SPIDR: variants seen among roughly 807,000 people sequenced by gnomAD.
SPIDR encodes scaffold protein involved in DNA repair.
In SPIDR, 93 loss-of-function variants were observed where a neutral mutation model predicts 104.6. That is an observed-to-expected ratio of 0.89 (90% CI 0.75 to 1.06). The LOEUF (loss-of-function observed/expected upper bound fraction) is 1.06, where lower values mean the gene tolerates loss of function less well. Ranked by LOEUF, SPIDR falls within the 50% of genes least tolerant of loss-of-function variation. SPIDR has a pLI of 0.00. For missense variants in SPIDR, 1,154 were observed against 1,111.2 expected, an observed-to-expected ratio of 1.04 and a Z score of -0.55; for synonymous variants, 431 against 416.9, an observed-to-expected ratio of 1.03 and a Z score of -0.41.
intron 10 of SPIDR, among the ~76,000 whole-genome samples, chr8:47,603,637 A>G (rs1279526676): frequency 6.6e-6 from 1 of 151,188 alleles, no homozygotes; most frequent in African/African-American, 2.5e-5. Context: ...ACCTCAAGCA[A>G]TCCTCCTGCC....
intron 8 of SPIDR, chr8:47,511,353 G>A: frequency 9.2e-7 from 1 of 1,084,624 alleles, no homozygotes; most frequent in East Asian, 2.4e-5. Context: ...ACACCTAGGG[G>A]GCAGTGCTGC....
intron 10 of SPIDR, among the ~76,000 whole-genome samples, chr8:47,647,938 A>G (rs2070837464): frequency 6.6e-6 from 1 of 152,190 alleles, no homozygotes; most frequent in African/African-American, 2.4e-5. Context: ...GTTTCTGTGC[A>G]TCACATACAT....
intron 19 of SPIDR, 146 bp from the exon 20 acceptor site, chr8:47,735,161 C>G: frequency 2.8e-6 from 2 of 703,136 alleles, no homozygotes; most frequent in South Asian, 3.4e-5. Flanking sequence ...GTTTCTCCTT[C>G]CTACCACTGT....
At chr8:47,512,890 T>C (rs1364383159) in intron 8 of SPIDR, among the ~76,000 whole-genome samples, 14 of 152,216 alleles carry the variant, frequency 9.2e-5, no homozygotes, top group Non-Finnish European at 1.5e-5. Flanking sequence ...GCTATTTGGC[T>C]TTTTACTGAA....
At chr8:47,479,842 A>G (rs548822700) in intron 8 of SPIDR, among the ~76,000 whole-genome samples, 34 of 152,366 alleles carry the variant, frequency 2.2e-4, no homozygotes, top group Non-Finnish European at 4.6e-4. Context: ...AGAACTGAAC[A>G]GCAGCTAGGA....
chr8:47,490,165 AC>A (rs1168821652), intron 8 of SPIDR, among the ~76,000 whole-genome samples: 1 of 152,196 alleles, frequency 6.6e-6, no homozygotes, highest in African/African-American at 2.4e-5. Context: ...GGAAAAAACA[AC>A]CCCATCAAAA....
rs2082137132 is a variant in SPIDR, at chr8:47,713,379, A to G, written c.2189-110A>G. On this transcript the variant is annotated intron_variant, in intron 15 of 19. Transcript: ENST00000297423. ...AACGTGCTGCTGGACACAGTCCCATAACTGCACCTTCACCTGCATGACTCG... is the reference window on the plus strand; with the variant it reads ...AACGTGCTGCTGGACACAGTCCCATGACTGCACCTTCACCTGCATGACTCG... The G allele has an allele frequency of 2.6e-5, 39 of 1,479,980 alleles. 1 individual carries two copies. The highest frequency in any genetic ancestry group is 4.1e-5 in the African/African-American group (3 of 72,570). 91.7% of individuals were successfully genotyped at this position (1,479,980 alleles called of 1,614,324 possible).
intron 11 of SPIDR, among the ~76,000 whole-genome samples, chr8:47,699,403 C>A (rs1284518957): frequency 1.3e-5 from 2 of 152,184 alleles, no homozygotes; most frequent in African/African-American, 4.8e-5. Context: ...TTTCTTGACT[C>A]CAGGGGCCCT....
chr8:47,558,631 C>CT (rs773947709), intron 8 of SPIDR, among the ~76,000 whole-genome samples: 366 of 3,754 alleles, frequency 0.097, 1 homozygote, highest in Admixed American at 0.22. Context: ...TCTAGCTTCA[C>CT]CTTTTTTTTT....
chr8:47,621,093 A>G (rs754736914), intron 10 of SPIDR, among the ~76,000 whole-genome samples: 41 of 151,462 alleles, frequency 2.7e-4, no homozygotes, highest in Middle Eastern at 3.4e-3. Flanking sequence ...AGTAGCTGGG[A>G]CTACAGGTGC....
At chr8:47,468,311 T>A (rs2075206273) in intron 8 of SPIDR, among the ~76,000 whole-genome samples, 1 of 152,180 alleles carries the variant, frequency 6.6e-6, no homozygotes, top group Non-Finnish European at 1.5e-5. Flanking sequence ...ACTATTCCTA[T>A]CAAACTACCA....
intron 5 of SPIDR, among the ~76,000 whole-genome samples, chr8:47,377,098 T>G (rs111899582): frequency 2.7e-4 from 41 of 152,230 alleles, no homozygotes; most frequent in Non-Finnish European, 4.9e-4. Context: ...GATGGTGATT[T>G]GCTTTCTAGC....
At chr8:47,350,792 T>G (rs1021237550) in intron 5 of SPIDR, among the ~76,000 whole-genome samples, 2 of 152,230 alleles carry the variant, frequency 1.3e-5, no homozygotes, top group East Asian at 3.8e-4. Flanking sequence ...AAACAACTTC[T>G]GTGTGATACA....
At chr8:47,555,611 T>A (rs951653459) in intron 8 of SPIDR, among the ~76,000 whole-genome samples, 1 of 152,234 alleles carries the variant, frequency 6.6e-6, no homozygotes, top group African/African-American at 2.4e-5. Flanking sequence ...GTATATTCCA[T>A]TTTGATGGAG....
chr8:47,683,513 A>G (rs1376535160), intron 11 of SPIDR, among the ~76,000 whole-genome samples: 1 of 152,200 alleles, frequency 6.6e-6, no homozygotes, highest in Non-Finnish European at 1.5e-5. Context: ...CTCTACCCAT[A>G]AACTTATTTT....
At chr8:47,275,995 T>C (rs907469624) in intron 1 of SPIDR, among the ~76,000 whole-genome samples, 2 of 152,280 alleles carry the variant, frequency 1.3e-5, no homozygotes, top group Non-Finnish European at 2.9e-5. Flanking sequence ...TAGCTGGGAC[T>C]ACAGGAACAC....
chr8:47,288,242 A>T (rs1480294926), intron 3 of SPIDR, among the ~76,000 whole-genome samples: 1 of 150,026 alleles, frequency 6.7e-6, no homozygotes, highest in African/African-American at 2.4e-5. Context: ...TGGTTTCTTG[A>T]CTTTTCCATG....
intron 5 of SPIDR, among the ~76,000 whole-genome samples, chr8:47,343,478 T>TA (rs771152901): frequency 6.6e-6 from 1 of 152,182 alleles, no homozygotes; most frequent in African/African-American, 2.4e-5. Context: ...AGACAGAACT[T>TA]ACGGGAAGCT....
intron 11 of SPIDR, among the ~76,000 whole-genome samples, chr8:47,691,609 T>C (rs989196496): frequency 1.7e-4 from 26 of 152,192 alleles, no homozygotes; most frequent in African/African-American, 6.3e-4. Flanking sequence ...GGCCACAGTT[T>C]TATATAGTTG....
Sources: gnomAD v4.1 joint callset for allele counts (sites outside exome capture counted in the v4.1 genomes callset) on GRCh38, gnomAD v4.1.1 for gene constraint, MANE v1.5 for transcripts, NCBI Gene and HGNC (gene_info 2026-07-23, HGNC 2026-07-21) for gene names.